TTC39B: variants seen among roughly 807,000 people sequenced by gnomAD.
TTC39B encodes tetratricopeptide repeat protein 39B.
Under a neutral mutation model 96.6 loss-of-function variants are expected in TTC39B, and 92 were observed. The observed-to-expected ratio is 0.95, with a 90% CI of 0.80 to 1.13. TTC39B has a LOEUF of 1.13. Among genes scored for constraint, TTC39B ranks in the 50% most tolerant of loss-of-function variants. TTC39B has a pLI of 0.00. For missense variants in TTC39B, 955 were observed against 809.3 expected, an observed-to-expected ratio of 1.18 and a Z score of -2.18; for synonymous variants, 367 against 299.4, an observed-to-expected ratio of 1.23 and a Z score of -2.33.
chr9:15,257,583 G>A (rs1332872892), intron 2 of TTC39B, among the ~76,000 whole-genome samples: 1 of 152,024 alleles, frequency 6.6e-6, no homozygotes, highest in East Asian at 1.9e-4. Flanking sequence ...CAAGTAGCTG[G>A]AACTACAGAT....
intron 3 of TTC39B, among the ~76,000 whole-genome samples, chr9:15,218,410 G>A (rs10810364): frequency 0.31 from 46,469 of 151,510 alleles, 7,441 homozygotes; most frequent in African/African-American, 0.4. Context: ...GGCAATGGTT[G>A]TTATGAGTGT....
chr9:15,237,884 C>T (rs1481412610), intron 2 of TTC39B, among the ~76,000 whole-genome samples: 2 of 152,090 alleles, frequency 1.3e-5, no homozygotes, highest in Non-Finnish European at 2.9e-5. Context: ...TGCAAAAATC[C>T]TCCACAAAAT....
Position 15,233,249 on chromosome 9 carries a change from C to T in TTC39B, c.276-7237G>A, listed in dbSNP as rs566350136. On this transcript the variant is annotated intron_variant, in intron 2 of 19. Transcript: ENST00000512701. ...AAGCATGGCCAACATTCCCAATGAT[C>T]CGCAGATGTGGTTTCCACCTGGCCG... 6.8e-3 allele frequency among the ~76,000 whole-genome samples: 1,041 copies of T among 152,316 alleles called. 6 individuals carry two copies. Among genetic ancestry groups the T allele is most frequent in the Middle Eastern group, 0.024 (7 of 294 alleles).
At chr9:15,292,769 T>C (rs1189793875) in intron 1 of TTC39B, among the ~76,000 whole-genome samples, 1 of 152,226 alleles carries the variant, frequency 6.6e-6, no homozygotes, top group Non-Finnish European at 1.5e-5. Context: ...AAAGCTTGAA[T>C]AAGGATATAA....
chr9:15,232,965 A>G (rs1440703013), intron 2 of TTC39B, among the ~76,000 whole-genome samples: 3 of 152,212 alleles, frequency 2.0e-5, no homozygotes, highest in Non-Finnish European at 2.9e-5. Context: ...CTTTCCCTGA[A>G]CTATAAAAAT....
intron 1 of TTC39B, among the ~76,000 whole-genome samples, chr9:15,291,688 A>G (rs1824194596): frequency 6.6e-6 from 1 of 152,202 alleles, no homozygotes; most frequent in African/African-American, 2.4e-5. Flanking sequence ...CTTTTAAGCC[A>G]TTACCAGTTG....
intron 2 of TTC39B, among the ~76,000 whole-genome samples, chr9:15,233,195 G>A (rs1324778458): frequency 1.3e-5 from 2 of 152,198 alleles, no homozygotes; most frequent in Non-Finnish European, 2.9e-5. Context: ...GCGACGGCTA[G>A]GTCCTCCGTG....
chr9:15,256,400 G>A (rs924785082), intron 2 of TTC39B, among the ~76,000 whole-genome samples: 4 of 152,034 alleles, frequency 2.6e-5, no homozygotes, highest in African/African-American at 7.2e-5. Context: ...CAGCCCAAAT[G>A]GACTAAGACA....
At chr9:15,302,647 C>T (rs547072818) in intron 1 of TTC39B, among the ~76,000 whole-genome samples, 1 of 150,424 alleles carries the variant, frequency 6.6e-6, no homozygotes, top group Non-Finnish European at 1.5e-5. Context: ...AGTTCGAGAC[C>T]GGCCTGGCCA....
intron 2 of TTC39B, among the ~76,000 whole-genome samples, chr9:15,237,655 G>GAA (rs35743064): frequency 1.4e-5 from 2 of 138,878 alleles, no homozygotes; most frequent in African/African-American, 2.6e-5. Flanking sequence ...AAATCTTCTG[G>GAA]AAAAAAAAAA....
intron 16 of TTC39B, among the ~76,000 whole-genome samples, chr9:15,184,600 G>C (rs564902470): frequency 6.6e-6 from 1 of 152,292 alleles, no homozygotes; most frequent in South Asian, 2.1e-4. Context: ...AGTTGAAATT[G>C]TGTTTTTCAC....
chr9:15,246,134 T>C (rs1055401228), intron 2 of TTC39B, among the ~76,000 whole-genome samples: 2 of 152,132 alleles, frequency 1.3e-5, no homozygotes, highest in African/African-American at 4.8e-5. Context: ...ATGCCTGTAA[T>C]CCCGGCTACT....
At chr9:15,289,547 G>A (rs973769480) in intron 1 of TTC39B, among the ~76,000 whole-genome samples, 136 of 152,260 alleles carry the variant, frequency 8.9e-4, no homozygotes, top group South Asian at 2.1e-4. Flanking sequence ...GCACAATGCC[G>A]GCAAATGGCA....
chr9:15,214,577 G>C (rs548932949), intron 3 of TTC39B, among the ~76,000 whole-genome samples: 8 of 152,018 alleles, frequency 5.3e-5, no homozygotes, highest in Non-Finnish European at 1.0e-4. Context: ...TGTTAATTTT[G>C]TCCTGGCCAG....
chr9:15,234,254 AGGGAGGTGGG>A (rs1211774780), intron 2 of TTC39B, among the ~76,000 whole-genome samples: 2 of 150,304 alleles, frequency 1.3e-5, no homozygotes, highest in East Asian at 4.0e-4. Context: ...CCCGTCCGGG[AGGGAGGTGGG>A]GGTCAGCCCC....
rs569134495 is a variant in TTC39B at position 15,302,148 on chromosome 9, C to A, written c.240+4936G>T. ...GACCAGCCTGGCCAACATGGTGAAA[C>A]CCCATCTCTACTGAAAAAAATACAA... On this transcript the variant is annotated intron_variant, in intron 1 of 19. Coordinates refer to ENST00000512701, the Ensembl canonical transcript of TTC39B. Among the ~76,000 whole-genome samples the A allele has an allele frequency of 4.0e-5, 6 of 150,410 alleles. No individual in the cohort carries two copies. The East Asian group carries it at 9.9e-4, about 25-fold the overall frequency.
chr9:15,207,448 C>T (rs1313702811), intron 6 of TTC39B, among the ~76,000 whole-genome samples: 1 of 152,132 alleles, frequency 6.6e-6, no homozygotes, highest in Non-Finnish European at 1.5e-5. Context: ...TTTCCTTCAT[C>T]CGTATATGAC....
intron 2 of TTC39B, among the ~76,000 whole-genome samples, chr9:15,261,568 C>A (rs116829808): frequency 2.1e-3 from 316 of 152,286 alleles, no homozygotes; most frequent in African/African-American, 7.3e-3. Context: ...CATGACCCAA[C>A]TTCATTTGTG....
chr9:15,276,515 C>A (rs1051667218), intron 1 of TTC39B, among the ~76,000 whole-genome samples: 1 of 152,236 alleles, frequency 6.6e-6, no homozygotes. Flanking sequence ...CCTTCTCTCA[C>A]AAGCACAAAA....
Sources: allele counts gnomAD v4.1 joint callset (sites outside exome capture counted in the v4.1 genomes callset), GRCh38; gene constraint gnomAD v4.1.1; transcripts MANE v1.5; gene names NCBI Gene and HGNC (gene_info 2026-07-23, HGNC 2026-07-21).